Variants in CFTR observed in about 807,000 individuals in gnomAD.
CFTR encodes the protein CF transmembrane conductance regulator.
Under a neutral mutation model 171.6 loss-of-function variants are expected in CFTR, and 181 were observed. The observed-to-expected ratio is 1.05, with a 90% confidence interval of 0.93 to 1.19. CFTR has a LOEUF of 1.19. CFTR is among the 50% of genes most tolerant of loss of function. The pLI, the probability that CFTR is intolerant of heterozygous loss-of-function variation, is 0.00. For missense variants in CFTR, 1,968 were observed against 1,734.7 expected (o/e 1.13, Z -2.39); for synonymous variants, 583 against 608.0 (o/e 0.96, Z 0.60).
chr7:117,590,021 G>A (rs567324175), intron 12 of CFTR, among the ~76,000 whole-genome samples: 30 of 152,098 alleles, frequency 2.0e-4, no homozygotes, highest in African/African-American at 7.2e-4. Flanking sequence ...ATATTTTAAA[G>A]TGTATGCTAT....
At chr7:117,497,592 T>C (rs1199499231) in intron 1 of CFTR, among the ~76,000 whole-genome samples, 1 of 152,198 alleles carries the variant, frequency 6.6e-6, no homozygotes, top group African/African-American at 2.4e-5. Flanking sequence ...TGTTTTCTTC[T>C]TAAAATCTTT....
intron 3 of CFTR, among the ~76,000 whole-genome samples, chr7:117,520,740 T>G (rs1362529908): frequency 6.6e-6 from 1 of 151,966 alleles, no homozygotes; most frequent in Non-Finnish European, 1.5e-5. Flanking sequence ...TTGATGAGTT[T>G]TCTTCCAAAT....
chr7:117,590,493 C>G, intron 13 of CFTR, 54 bp downstream of exon 13: 2 of 1,559,992 alleles, frequency 1.3e-6, no homozygotes, highest in South Asian at 2.3e-5. Flanking sequence ...AAAAGAAAGA[C>G]AGACTGTCCC....
intron 21 of CFTR, among the ~76,000 whole-genome samples, chr7:117,625,647 C>G (rs1792639722): frequency 6.6e-6 from 1 of 152,142 alleles, no homozygotes; most frequent in South Asian, 2.1e-4. Context: ...GCAAAAATAT[C>G]AAGTCTCAAC....
At chr7:117,517,381 T>G (rs1170118410) in intron 3 of CFTR, among the ~76,000 whole-genome samples, 1 of 152,222 alleles carries the variant, frequency 6.6e-6, no homozygotes, top group African/African-American at 2.4e-5. Flanking sequence ...TGCAAGGACA[T>G]GAACTCATCC....
At chr7:117,531,447 T>A (rs1308749205) in intron 4 of CFTR, among the ~76,000 whole-genome samples, 2 of 152,090 alleles carry the variant, frequency 1.3e-5, no homozygotes, top group Non-Finnish European at 2.9e-5. Context: ...AAATATCATC[T>A]TATAGTAAAA....
Position 117,668,353 on chromosome 7 carries a change from G to A in CFTR, c.*1245G>A, listed in dbSNP as rs1342371199. 4 of 152,062 alleles carry A rather than the reference G, an allele frequency of 2.6e-5. No individual in the cohort carries two copies. Among genetic ancestry groups the A allele is most frequent in the African/African-American group, 9.7e-5 (4 of 41,380 alleles). The allele number at this position is 152,062 out of a possible 1,614,324, so 9.4% of individuals were successfully genotyped here. On this transcript the variant is annotated 3_prime_UTR_variant, in exon 27 of 27. Transcript: ENST00000003084. ...GAAATATTGACTTTTTATGGCACTAGTATTTCTATGAAATATTATGTTAAA... is the reference window on the plus strand; with the variant it reads ...GAAATATTGACTTTTTATGGCACTAATATTTCTATGAAATATTATGTTAAA...
At chr7:117,493,598 G>T (rs1471900012) in intron 1 of CFTR, among the ~76,000 whole-genome samples, 1 of 152,006 alleles carries the variant, frequency 6.6e-6, no homozygotes, top group Non-Finnish European at 1.5e-5. Context: ...AAAGCTTGAA[G>T]AAAATGAAAG....
At chr7:117,574,619 A>C (rs1200170563) in intron 11 of CFTR, among the ~76,000 whole-genome samples, 1 of 152,070 alleles carries the variant, frequency 6.6e-6, no homozygotes, top group Non-Finnish European at 1.5e-5. Flanking sequence ...CTATTTTCTT[A>C]ACTGCCTTGA....
At chr7:117,535,179 A>C (rs954336518) in intron 5 of CFTR, 69 bp from the exon 6 acceptor site, 1 of 1,526,542 alleles carries the variant, frequency 6.6e-7, no homozygotes, top group Non-Finnish European at 9.1e-7. Context: ...TTTCTTTCAT[A>C]TATGATTGTT....
Position 117,587,820 on chromosome 7 carries a change from A to G in CFTR, c.1666A>G (p.Ile556Val), listed in dbSNP as rs75789129. The G allele has an allele frequency of 1.3e-3, 2,026 of 1,598,980 alleles. 41 individuals carry two copies. In the East Asian group the frequency reaches 0.042, roughly 33 times the overall value. Residue 556 changes from isoleucine to valine, a missense_variant, in exon 12 of 27, where the codon ATT (isoleucine) becomes GTT (valine). Coordinates refer to ENST00000003084, the MANE Select transcript of CFTR (RefSeq NM_000492.4). ...ITLSGGQRAR[I>V]SLARAVYKDA... ...ACTGAGTGGAGGTCAACGAGCAAGA[A>G]TTTCTTTAGCAAGGTGAATAACTAA... is the stretch of plus-strand genomic sequence containing the variant.
intron 21 of CFTR, among the ~76,000 whole-genome samples, chr7:117,615,085 T>C (rs1792464885): frequency 6.6e-6 from 1 of 152,146 alleles, no homozygotes; most frequent in Admixed American, 6.6e-5. Flanking sequence ...AGTACAAGAA[T>C]TCTCATAGCT....
At chr7:117,656,643 T>TA (rs1793187977) in intron 24 of CFTR, among the ~76,000 whole-genome samples, 1 of 152,166 alleles carries the variant, frequency 6.6e-6, no homozygotes, top group Non-Finnish European at 1.5e-5. Context: ...CTTATAATTT[T>TA]AAAAAATAAG....
intron 20 of CFTR, 34 bp from the exon 21 acceptor site, chr7:117,614,579 A>T: frequency 7.5e-7 from 1 of 1,335,928 alleles, no homozygotes; most frequent in Non-Finnish European, 1.1e-6. Flanking sequence ...GAGAAATAAC[A>T]TGAGGTTCAT....
At chr7:117,519,742 A>C (rs1441393521) in intron 3 of CFTR, among the ~76,000 whole-genome samples, 1 of 151,952 alleles carries the variant, frequency 6.6e-6, no homozygotes, top group African/African-American at 2.4e-5. Context: ...CCATGTCATT[A>C]GATGTTTTTC....
intron 10 of CFTR, among the ~76,000 whole-genome samples, chr7:117,554,723 T>G (rs1799322925): frequency 6.6e-6 from 1 of 152,126 alleles, no homozygotes; most frequent in East Asian, 1.9e-4. Context: ...TGAATGAATG[T>G]GGTATCCCGG....
intron 22 of CFTR, among the ~76,000 whole-genome samples, chr7:117,635,508 T>C (rs940384366): frequency 6.6e-6 from 1 of 152,104 alleles, no homozygotes; most frequent in Non-Finnish European, 1.5e-5. Context: ...GTTACACTAC[T>C]TGTTCTTTGT....
At chr7:117,653,091 C>T (rs1481351296) in intron 24 of CFTR, among the ~76,000 whole-genome samples, 160 bp downstream of exon 24, 13 of 152,126 alleles carry the variant, frequency 8.5e-5, no homozygotes, top group Admixed American at 8.5e-4. Flanking sequence ...GTACTTTTGA[C>T]TGGACCTACC....
chr7:117,532,985 C>T (rs913634778), intron 4 of CFTR, among the ~76,000 whole-genome samples: 4 of 152,182 alleles, frequency 2.6e-5, no homozygotes, highest in African/African-American at 9.7e-5. Context: ...TGTAATAGAG[C>T]TCTTCTCTGC....
Sources: allele counts gnomAD v4.1 joint callset (sites outside exome capture counted in the v4.1 genomes callset), GRCh38; gene constraint gnomAD v4.1.1; transcripts MANE v1.5; gene names NCBI Gene and HGNC (gene_info 2026-07-23, HGNC 2026-07-21).